The following ELOVL7 variants were observed in gnomAD, a reference collection of about 807,000 sequenced individuals.
ELOVL7 encodes ELOVL fatty acid elongase 7.
In ELOVL7, 27 loss-of-function variants were observed where a neutral mutation model predicts 35.7. The observed-to-expected ratio is 0.76, with a 90% CI of 0.56 to 1.04. The LOEUF is 1.04. Ranked by LOEUF, ELOVL7 falls within the 50% of genes least tolerant of loss-of-function variation. The pLI is 0.00. For missense variants in ELOVL7, 327 were observed against 340.8 expected, an observed-to-expected ratio of 0.96 and a Z score of 0.32; for synonymous variants, 113 against 114.6, an observed-to-expected ratio of 0.99 and a Z score of 0.09.
intron 1 of ELOVL7, among the ~76,000 whole-genome samples, chr5:60,810,826 T>G (rs1745199045): frequency 6.6e-6 from 1 of 152,178 alleles, no homozygotes; most frequent in Non-Finnish European, 1.5e-5. Flanking sequence ...CTTAAGCAAA[T>G]TTGTATTGTG....
At chr5:60,792,719 A>G (rs2112256636) in intron 2 of ELOVL7, among the ~76,000 whole-genome samples, 1 of 152,300 alleles carries the variant, frequency 6.6e-6, no homozygotes, top group South Asian at 2.1e-4. Flanking sequence ...TCCATGTGGT[A>G]TAGGTGTATA....
chr5:60,842,475 G>T, intron 1 of ELOVL7, among the ~76,000 whole-genome samples: 1 of 143,496 alleles, frequency 7.0e-6, no homozygotes. Flanking sequence ...AAGTAACAAA[G>T]TCCCAAAAAT....
At chr5:60,810,248 T>C (rs1341009674) in intron 1 of ELOVL7, among the ~76,000 whole-genome samples, 1 of 152,206 alleles carries the variant, frequency 6.6e-6, no homozygotes, top group African/African-American at 2.4e-5. Context: ...TGGCCCAGTT[T>C]AAGGCAGTAC....
chr5:60,809,855 C>T (rs181606571), intron 1 of ELOVL7, among the ~76,000 whole-genome samples: 1 of 152,208 alleles, frequency 6.6e-6, no homozygotes, highest in African/African-American at 2.4e-5. Context: ...AGGGTTGATT[C>T]TGATTATGGA....
intron 7 of ELOVL7, 127 bp downstream of exon 7, chr5:60,764,100 T>C (rs1742085523): frequency 1.5e-6 from 1 of 682,964 alleles, no homozygotes; most frequent in African/African-American, 1.8e-5. Flanking sequence ...ATTAATGAAA[T>C]AAGTATAAAC....
intron 2 of ELOVL7, among the ~76,000 whole-genome samples, chr5:60,788,092 G>A (rs1743709440): frequency 6.6e-6 from 1 of 152,240 alleles, no homozygotes; most frequent in South Asian, 2.1e-4. Context: ...AAGACACTGT[G>A]GCACTGGCAC....
chr5:60,760,342 G>A (rs1242831765), intron 7 of ELOVL7, among the ~76,000 whole-genome samples: 2 of 152,220 alleles, frequency 1.3e-5, no homozygotes, highest in African/African-American at 2.4e-5. Flanking sequence ...TAACTGGTGT[G>A]AGACAGTATC....
chr5:60,766,494 T>G, intron 6 of ELOVL7, 80 bp downstream of exon 6: 1 of 1,232,908 alleles, frequency 8.1e-7, no homozygotes, highest in South Asian at 1.4e-5. Flanking sequence ...AGCAGTTTAT[T>G]GGTTTCACTG....
intron 4 of ELOVL7, among the ~76,000 whole-genome samples, chr5:60,769,316 G>C (rs943809494): frequency 1.3e-5 from 2 of 152,182 alleles, no homozygotes; most frequent in Non-Finnish European, 2.9e-5. Flanking sequence ...ACGCTCTGTG[G>C]CCAGGAGCTA....
At chr5:60,784,190 C>T in intron 3 of ELOVL7, 1 of 1,439,970 alleles carries the variant, frequency 6.9e-7, no homozygotes, top group Non-Finnish European at 9.3e-7. Flanking sequence ...TTTAAGATTC[C>T]AAGTACTAAT....
intron 2 of ELOVL7, among the ~76,000 whole-genome samples, chr5:60,790,124 C>T (rs916228905): frequency 6.0e-5 from 9 of 150,876 alleles, no homozygotes; most frequent in African/African-American, 1.7e-4. Flanking sequence ...GCAACAAGAG[C>T]GAGACACTAC....
chr5:60,774,140 C>A (rs1188760555), intron 3 of ELOVL7, among the ~76,000 whole-genome samples: 1 of 152,066 alleles, frequency 6.6e-6, no homozygotes, highest in Non-Finnish European at 1.5e-5. Context: ...TCTATGAAAC[C>A]AGTATCATCC....
At chr5:60,774,915 G>A (rs959629078) in intron 3 of ELOVL7, among the ~76,000 whole-genome samples, 15 of 151,910 alleles carry the variant, frequency 9.9e-5, no homozygotes, top group Admixed American at 3.3e-4. Flanking sequence ...ACAGGTGCCC[G>A]CCACCATGCC....
intron 1 of ELOVL7, among the ~76,000 whole-genome samples, chr5:60,820,944 G>A (rs1745848412): frequency 6.6e-6 from 1 of 152,076 alleles, no homozygotes; most frequent in Admixed American, 6.6e-5. Flanking sequence ...TTGTGTTGAT[G>A]TTCTCTTGTC....
intron 7 of ELOVL7, among the ~76,000 whole-genome samples, chr5:60,759,596 C>T (rs895445755): frequency 4.0e-4 from 55 of 138,658 alleles, no homozygotes; most frequent in African/African-American, 1.6e-3. Flanking sequence ...TTAATAGAGG[C>T]GTGCCTATTT....
chr5:60,799,798 G>C (rs1744481705), intron 1 of ELOVL7, among the ~76,000 whole-genome samples: 1 of 152,174 alleles, frequency 6.6e-6, no homozygotes, highest in Non-Finnish European at 1.5e-5. Flanking sequence ...AGCACTTTGG[G>C]AGGCTGAGGC....
At chr5:60,831,869 C>T (rs372846114) in intron 1 of ELOVL7, among the ~76,000 whole-genome samples, 2 of 152,108 alleles carry the variant, frequency 1.3e-5, no homozygotes, top group African/African-American at 2.4e-5. Flanking sequence ...TCTAGTGTTC[C>T]ATTTATCACA....
chr5:60,778,919 G>A (rs943291462), intron 3 of ELOVL7, among the ~76,000 whole-genome samples: 1 of 152,132 alleles, frequency 6.6e-6, no homozygotes, highest in East Asian at 1.9e-4. Flanking sequence ...GGGGATACAG[G>A]CACTGCATAA....
chr5:60,807,407 CTA>C (rs754742293), intron 1 of ELOVL7, among the ~76,000 whole-genome samples: 3 of 151,770 alleles, frequency 2.0e-5, no homozygotes, highest in Non-Finnish European at 4.4e-5. Context: ...AGCCCTCAAA[CTA>C]TTGCTCAGTG....
Sources: gnomAD v4.1 joint callset for allele counts (sites outside exome capture counted in the v4.1 genomes callset) on GRCh38, gnomAD v4.1.1 for gene constraint, MANE v1.5 for transcripts, NCBI Gene and HGNC (gene_info 2026-07-23, HGNC 2026-07-21) for gene names.